The following C12orf42 variants were observed in gnomAD, a reference collection of about 807,000 sequenced individuals.
The protein encoded by C12orf42 is uncharacterized protein C12orf42.
Under a neutral mutation model 21.6 loss-of-function variants are expected in C12orf42, and 25 were observed. That is an observed-to-expected ratio of 1.16 (90% CI 0.84 to 1.62). C12orf42 has a LOEUF of 1.62. C12orf42 is among the 40% of genes most tolerant of loss of function. The probability of loss-of-function intolerance (pLI) is 0.00; values close to 1 mark genes in which losing one functional copy is unlikely to be tolerated. For synonymous variants in C12orf42, 174 were observed against 175.0 expected (o/e 0.99, Z 0.05); for missense variants, 483 against 459.3 (o/e 1.05, Z -0.47).
At chr12:103,455,464 C>A (rs927468988) in intron 2 of C12orf42, among the ~76,000 whole-genome samples, 1 of 151,938 alleles carries the variant, frequency 6.6e-6, no homozygotes, top group African/African-American at 2.4e-5. Context: ...TTAAAAATTT[C>A]ATTCTCTGAT....
intron 4 of C12orf42, among the ~76,000 whole-genome samples, chr12:103,294,235 T>A (rs2037000171): frequency 6.6e-6 from 1 of 151,916 alleles, no homozygotes; most frequent in African/African-American, 2.4e-5. Flanking sequence ...AATTAATGCT[T>A]CATGATCTCA....
chr12:103,424,518 A>G lies in C12orf42; in HGVS notation c.79-22843T>C, dbSNP rs147839130. 3.6e-3 allele frequency among the ~76,000 whole-genome samples: 542 copies of G among 152,342 alleles called. 6 individuals are homozygous for G. The highest frequency in any genetic ancestry group is 0.012 in the African/African-American group (507 of 41,578). ...TGGTTAGACAGTGGGTGCAGCCCAC[A>G]GAGGGCGAGTGGAAGCAGGGCAGGG... is the stretch of plus-strand genomic sequence containing the variant. On this transcript the variant is annotated intron_variant, in intron 2 of 5. Transcript: ENST00000548883.
intron 1 of C12orf42, among the ~76,000 whole-genome samples, chr12:103,491,187 A>C (rs1252905954): frequency 6.6e-6 from 1 of 152,190 alleles, no homozygotes; most frequent in African/African-American, 2.4e-5. Context: ...AGCATTTTTC[A>C]TCTTTGTCAT....
the C12orf42 span, among the ~76,000 whole-genome samples, chr12:103,146,588 G>GAAAGAAAGAAAGAAAGAAAGAAAA: frequency 1.3e-3 from 191 of 148,352 alleles, no homozygotes; most frequent in African/African-American, 4.6e-3. Flanking sequence ...AAGAAAGAAA[G>GAAAGAAAGAAAGAAAGAAAGAAAA]AAAGAAAGAA....
chr12:103,164,422 G>A, the C12orf42 span: 1 of 455,664 alleles, frequency 2.2e-6, no homozygotes, highest in African/African-American at 2.0e-5. Flanking sequence ...TGCAAATATT[G>A]CCTGATATTT....
chr12:103,052,327 G>C, the C12orf42 span, among the ~76,000 whole-genome samples: 99 of 152,164 alleles, frequency 6.5e-4, no homozygotes, highest in African/African-American at 2.3e-3. Flanking sequence ...GATAGTACAG[G>C]TGACTCAAAT....
intron 2 of C12orf42, among the ~76,000 whole-genome samples, chr12:103,407,792 G>C (rs565668388): frequency 1.3e-5 from 2 of 152,254 alleles, no homozygotes; most frequent in South Asian, 2.1e-4. Context: ...GATTTTAACA[G>C]CCTTGGGGAA....
chr12:103,485,789 A>T (rs1006130557), intron 1 of C12orf42, among the ~76,000 whole-genome samples: 1 of 152,180 alleles, frequency 6.6e-6, no homozygotes, highest in Non-Finnish European at 1.5e-5. Flanking sequence ...TTATTGGTAT[A>T]TAGGAATGCT....
At chr12:103,114,380 G>A in the C12orf42 span, among the ~76,000 whole-genome samples, 18 of 152,164 alleles carry the variant, frequency 1.2e-4, no homozygotes, top group Admixed American at 1.1e-3. Flanking sequence ...CTCTTAATCT[G>A]ATGGTCCTCA....
chr12:103,324,501 C>T (rs1374233909), intron 4 of C12orf42, among the ~76,000 whole-genome samples: 2 of 152,162 alleles, frequency 1.3e-5, no homozygotes, highest in African/African-American at 2.4e-5. Flanking sequence ...GGAATGAATG[C>T]TTGCAGCTGC....
the C12orf42 span, among the ~76,000 whole-genome samples, chr12:103,072,635 T>C: frequency 6.6e-6 from 1 of 152,118 alleles, no homozygotes; most frequent in African/African-American, 2.4e-5. Context: ...GTAATGGTAT[T>C]GCTGGGTTGA....
At position 103,305,971 on chromosome 12, in the gene C12orf42, T is replaced by C. The variant is rs200707105; in HGVS notation, c.631+3A>G. The C allele has an allele frequency of 5.0e-6, 8 of 1,598,328 alleles. No homozygotes were observed. The highest frequency in any genetic ancestry group is 1.7e-4 in the Middle Eastern group (1 of 6,004). On this transcript the variant is annotated splice_donor_region_variant and intron_variant, in intron 5 of 5. Coordinates refer to ENST00000548883, the MANE Select transcript of C12orf42 (RefSeq NM_198521.5). ...GAGTCAGTAACCACAACATGATACT[T>C]ACCAGAATTTTTCTTGGGACTGCTC...
At chr12:103,362,903 T>C (rs542361511) in intron 4 of C12orf42, among the ~76,000 whole-genome samples, 2 of 152,028 alleles carry the variant, frequency 1.3e-5, no homozygotes, top group Non-Finnish European at 2.9e-5. Flanking sequence ...AAGAGAAATC[T>C]AAAAGTTTGG....
chr12:103,368,803 T>G, intron 4 of C12orf42, 84 bp downstream of exon 4: 1 of 696,648 alleles, frequency 1.4e-6, no homozygotes, highest in Non-Finnish European at 2.4e-6. Context: ...TGTTCTTCAA[T>G]ACAATCTTTA....
At chr12:103,454,494 T>A (rs551599396) in intron 2 of C12orf42, among the ~76,000 whole-genome samples, 2 of 152,290 alleles carry the variant, frequency 1.3e-5, no homozygotes, top group South Asian at 4.1e-4. Context: ...CCATCTTCCC[T>A]ATTCCCACCA....
chr12:103,460,000 C>G (rs1489335109), intron 2 of C12orf42, among the ~76,000 whole-genome samples: 2 of 152,172 alleles, frequency 1.3e-5, no homozygotes, highest in Non-Finnish European at 2.9e-5. Flanking sequence ...TATTGCACCC[C>G]TTTACTGCCA....
At chr12:103,390,268 C>T (rs1195293651) in intron 3 of C12orf42, among the ~76,000 whole-genome samples, 5 of 152,154 alleles carry the variant, frequency 3.3e-5, no homozygotes, top group African/African-American at 1.2e-4. Context: ...AGCGTTTTAC[C>T]TCATTTAATC....
At chr12:103,454,121 G>A (rs1952132665) in intron 2 of C12orf42, among the ~76,000 whole-genome samples, 2 of 151,984 alleles carry the variant, frequency 1.3e-5, no homozygotes, top group Admixed American at 1.3e-4. Context: ...ATTCTTCCCT[G>A]CTCTGGTCCT....
intron 4 of C12orf42, among the ~76,000 whole-genome samples, chr12:103,364,058 G>T (rs1040775104): frequency 6.6e-6 from 1 of 152,012 alleles, no homozygotes; most frequent in Non-Finnish European, 1.5e-5. Flanking sequence ...ATTCATCAGT[G>T]CATGGAACTC....
Sources: gnomAD v4.1 joint callset for allele counts (sites outside exome capture counted in the v4.1 genomes callset) on GRCh38, gnomAD v4.1.1 for gene constraint, MANE v1.5 for transcripts, NCBI Gene and HGNC (gene_info 2026-07-23, HGNC 2026-07-21) for gene names.